KCNB2: variants seen among roughly 807,000 people sequenced by gnomAD.
KCNB2 encodes the protein delayed rectifier potassium channel protein.
In KCNB2, 15 loss-of-function variants were observed where a neutral mutation model predicts 61.5. That is an observed-to-expected ratio of 0.24 (90% confidence interval 0.16 to 0.38). The LOEUF (loss-of-function observed/expected upper bound fraction) is 0.38. KCNB2 is among the 10% of genes least tolerant of loss of function. The pLI, the probability that KCNB2 is intolerant of heterozygous loss-of-function variation, is 1.00. For missense variants in KCNB2, 828 were observed against 1,125.2 expected, an observed-to-expected ratio of 0.74 and a Z score of 3.78; for synonymous variants, 457 against 446.0, an observed-to-expected ratio of 1.02 and a Z score of -0.31.
At chr8:72,722,957 C>A (rs1320874746) in intron 2 of KCNB2, among the ~76,000 whole-genome samples, 1 of 152,132 alleles carries the variant, frequency 6.6e-6, no homozygotes, top group Non-Finnish European at 1.5e-5. Flanking sequence ...CTGTCTTTTT[C>A]TCACCAGTCA....
At chr8:72,668,740 A>G (rs1367898155) in intron 2 of KCNB2, among the ~76,000 whole-genome samples, 1 of 152,096 alleles carries the variant, frequency 6.6e-6, no homozygotes, top group South Asian at 2.1e-4. Flanking sequence ...GATTTGAGTC[A>G]TGATTATGTT....
At chr8:72,871,609 C>T (rs1015445276) in intron 2 of KCNB2, among the ~76,000 whole-genome samples, 2 of 152,200 alleles carry the variant, frequency 1.3e-5, no homozygotes, top group Non-Finnish European at 2.9e-5. Context: ...ACAAATTGAA[C>T]TTATCCAATA....
At chr8:72,776,705 A>T (rs574809225) in intron 2 of KCNB2, among the ~76,000 whole-genome samples, 3 of 152,284 alleles carry the variant, frequency 2.0e-5, no homozygotes, top group Admixed American at 2.0e-4. Flanking sequence ...GTGTAGGGTG[A>T]CGGTTATGAC....
At chr8:72,910,949 C>T (rs1806278441) in intron 2 of KCNB2, among the ~76,000 whole-genome samples, 1 of 152,160 alleles carries the variant, frequency 6.6e-6, no homozygotes, top group Non-Finnish European at 1.5e-5. Flanking sequence ...TTGTCAGACA[C>T]TGCTGAAGGA....
chr8:72,797,111 G>T (rs545494458), intron 2 of KCNB2, among the ~76,000 whole-genome samples: 3 of 152,278 alleles, frequency 2.0e-5, no homozygotes, highest in Non-Finnish European at 2.9e-5. Flanking sequence ...TTAATAATGA[G>T]AGCCTCAGAT....
At chr8:72,706,839 T>C (rs1279100829) in intron 2 of KCNB2, among the ~76,000 whole-genome samples, 2 of 152,200 alleles carry the variant, frequency 1.3e-5, no homozygotes, top group Non-Finnish European at 2.9e-5. Context: ...TTTCCAGAAA[T>C]TAACCTGCTT....
At chr8:72,595,349 A>G (rs1256595027) in intron 2 of KCNB2, among the ~76,000 whole-genome samples, 1 of 147,140 alleles carries the variant, frequency 6.8e-6, no homozygotes, top group African/African-American at 2.5e-5. Flanking sequence ...TTTTTAAGAC[A>G]GAGTCTCACT....
intron 2 of KCNB2, among the ~76,000 whole-genome samples, chr8:72,896,338 C>A (rs1805988317): frequency 6.6e-6 from 1 of 152,122 alleles, no homozygotes. Flanking sequence ...TTTCTCCTTC[C>A]TTTGGGCAAA....
intron 2 of KCNB2, among the ~76,000 whole-genome samples, chr8:72,659,938 G>A (rs1017692940): frequency 1.3e-5 from 2 of 152,070 alleles, no homozygotes; most frequent in African/African-American, 2.4e-5. Flanking sequence ...TTACTTTATC[G>A]TGGTGATCTG....
At chr8:72,889,089 A>G (rs1405336315) in intron 2 of KCNB2, among the ~76,000 whole-genome samples, 1 of 152,136 alleles carries the variant, frequency 6.6e-6, no homozygotes, top group East Asian at 1.9e-4. Context: ...CTTTCCCAAC[A>G]TGTGACAAGC....
At chr8:72,546,238 G>T (rs1042367421) in intron 1 of KCNB2, among the ~76,000 whole-genome samples, 2 of 152,064 alleles carry the variant, frequency 1.3e-5, no homozygotes, top group East Asian at 3.9e-4. Flanking sequence ...AAGGTGGGCC[G>T]GGCGCAGTGG....
At chr8:72,606,998 C>A (rs981940186) in intron 2 of KCNB2, among the ~76,000 whole-genome samples, 2 of 152,000 alleles carry the variant, frequency 1.3e-5, no homozygotes, top group Non-Finnish European at 2.9e-5. Context: ...GCCAAGAGTG[C>A]AGATTTGGCT....
rs1468868984 is a variant in KCNB2 at position 72,937,028 on chromosome 8, C to G, written c.1673C>G (p.Pro558Arg). ...ACACAGCCTCATTCTCACCCAAACC[C>G]AGACTGCCAAGAAAAGCCTGAGAGG... ...TKTQPHSHPN[P>R]DCQEKPERPS... is the part of the protein sequence containing the mutation. Residue 558 changes from proline to arginine, a missense_variant, in exon 3 of 3, where the codon CCA becomes CGA. Around this residue, in one of 4 missense-constraint regions of KCNB2, gnomAD observed 559 missense variants for 588.4 expected, o/e 0.95. Coordinates refer to ENST00000523207, the MANE Select transcript of KCNB2 (RefSeq NM_004770.3). The G allele has an allele frequency of 1.4e-5, 22 of 1,613,990 alleles. No individual in the cohort carries two copies. The highest frequency in any genetic ancestry group is 1.9e-5 in the Non-Finnish European group (22 of 1,180,022).
intron 1 of KCNB2, among the ~76,000 whole-genome samples, chr8:72,538,805 T>C (rs1204414628): frequency 6.6e-6 from 1 of 152,206 alleles, no homozygotes; most frequent in East Asian, 1.9e-4. Flanking sequence ...TTTTTGAAAC[T>C]GAGGGAAAGG....
chr8:72,723,274 A>G (rs1362308302), intron 2 of KCNB2, among the ~76,000 whole-genome samples: 1 of 152,216 alleles, frequency 6.6e-6, no homozygotes, highest in Non-Finnish European at 1.5e-5. Flanking sequence ...GCATTAATGC[A>G]TGCTGAGAGT....
At chr8:72,802,762 A>G (rs1435019739) in intron 2 of KCNB2, among the ~76,000 whole-genome samples, 1 of 152,136 alleles carries the variant, frequency 6.6e-6, no homozygotes, top group African/African-American at 2.4e-5. Flanking sequence ...CCTAATGGAG[A>G]CTAGCATTCT....
intron 2 of KCNB2, among the ~76,000 whole-genome samples, chr8:72,928,027 AGT>A (rs1398089726): frequency 6.6e-6 from 1 of 152,174 alleles, no homozygotes; most frequent in Non-Finnish European, 1.5e-5. Context: ...GAAAAAGAAG[AGT>A]GTTATAGAAT....
At chr8:72,576,717 A>C (rs1351739469) in intron 2 of KCNB2, among the ~76,000 whole-genome samples, 3 of 152,210 alleles carry the variant, frequency 2.0e-5, no homozygotes, top group African/African-American at 7.2e-5. Context: ...TCCAGTTCTT[A>C]ACCTCCTTTC....
chr8:72,625,740 T>C (rs563447177), intron 2 of KCNB2, among the ~76,000 whole-genome samples: 2 of 152,196 alleles, frequency 1.3e-5, no homozygotes, highest in East Asian at 3.9e-4. Flanking sequence ...AAAATGAGCA[T>C]TTCTTTTCTG....
Sources: allele counts gnomAD v4.1 joint callset (sites outside exome capture counted in the v4.1 genomes callset), GRCh38; gene constraint gnomAD v4.1.1; regional missense constraint gnomAD v4.1.1; transcripts MANE v1.5; gene names NCBI Gene and HGNC (gene_info 2026-07-23, HGNC 2026-07-21).